The following CTNNA2 variants were observed in gnomAD, a reference collection of about 807,000 sequenced individuals.
The protein encoded by CTNNA2 is catenin alpha-2.
A neutral mutation model predicts 101.0 loss-of-function variants in CTNNA2; 42 were observed. That is an observed-to-expected ratio of 0.42 (90% CI 0.32 to 0.54). The LOEUF (loss-of-function observed/expected upper bound fraction) is 0.54, where lower values mean the gene tolerates loss of function less well. Among genes scored for constraint, CTNNA2 ranks in the 20% least tolerant of loss-of-function variants. The probability of loss-of-function intolerance (pLI) is 0.14; values close to 1 mark genes in which losing one functional copy is unlikely to be tolerated. For missense variants in CTNNA2, 871 were observed against 1,223.1 expected (o/e 0.71, Z 4.29); for synonymous variants, 450 against 456.4 (o/e 0.99, Z 0.18).
intron 7 of CTNNA2, among the ~76,000 whole-genome samples, chr2:80,262,806 A>G (rs778796898): frequency 6.6e-5 from 10 of 152,068 alleles, no homozygotes; most frequent in Non-Finnish European, 1.3e-4. Context: ...CAAATTATCA[A>G]CATGTCCTCA....
chr2:79,318,273 C>T (rs970111712), intron 3 of CTNNA2, among the ~76,000 whole-genome samples: 21 of 152,020 alleles, frequency 1.4e-4, no homozygotes, highest in Non-Finnish European at 2.8e-4. Flanking sequence ...AGTTATTTTT[C>T]TTCATCGTTG....
chr2:80,221,035 A>G (rs1388970159), intron 7 of CTNNA2, among the ~76,000 whole-genome samples: 2 of 152,026 alleles, frequency 1.3e-5, no homozygotes, highest in Non-Finnish European at 2.9e-5. Context: ...GCACCCGCCA[A>G]GCATGCCGGG....
intron 7 of CTNNA2, among the ~76,000 whole-genome samples, chr2:80,331,098 A>G (rs1175291149): frequency 6.7e-6 from 1 of 148,462 alleles, no homozygotes; most frequent in African/African-American, 2.5e-5. Context: ...AGAACAGTCC[A>G]TTTCCACGGG....
intron 6 of CTNNA2, among the ~76,000 whole-genome samples, chr2:79,899,910 T>C (rs562745131): frequency 1.3e-5 from 2 of 152,266 alleles, no homozygotes; most frequent in South Asian, 4.1e-4. Flanking sequence ...CATGTAAAGA[T>C]AGAAAGATTC....
intron 3 of CTNNA2, among the ~76,000 whole-genome samples, chr2:79,815,757 C>T (rs1677440441): frequency 6.7e-6 from 1 of 149,530 alleles, no homozygotes; most frequent in African/African-American, 2.5e-5. Context: ...TTTTTGGTTC[C>T]ATATGAATTT....
chr2:80,457,060 T>C (rs771767754), intron 9 of CTNNA2, among the ~76,000 whole-genome samples: 2 of 152,082 alleles, frequency 1.3e-5, no homozygotes, highest in African/African-American at 2.4e-5. Flanking sequence ...GATTTGATCA[T>C]TATACATTTT....
intron 7 of CTNNA2, among the ~76,000 whole-genome samples, chr2:80,070,275 A>G (rs911612072): frequency 1.3e-5 from 2 of 152,212 alleles, no homozygotes; most frequent in Non-Finnish European, 2.9e-5. Flanking sequence ...GCCCAGGAAG[A>G]AATACTACCT....
At chr2:80,421,882 A>T (rs980046281) in intron 9 of CTNNA2, among the ~76,000 whole-genome samples, 1 of 151,576 alleles carries the variant, frequency 6.6e-6, no homozygotes, top group East Asian at 1.9e-4. Flanking sequence ...GTGTGTGGAT[A>T]TGGGCACCTT....
chr2:79,555,602 A>G (rs1674393552), intron 1 of CTNNA2, among the ~76,000 whole-genome samples: 1 of 152,190 alleles, frequency 6.6e-6, no homozygotes, highest in South Asian at 2.1e-4. Flanking sequence ...TGCAAGAAGC[A>G]GATTTATAGT....
At chr2:79,817,316 C>CTTTTTTTTT (rs550422225) in intron 3 of CTNNA2, among the ~76,000 whole-genome samples, 3 of 73,846 alleles carry the variant, frequency 4.1e-5, no homozygotes, top group Non-Finnish European at 5.3e-5. Context: ...TTCTCTCTCA[C>CTTTTTTTTT]TTTTTTTTTT....
chr2:80,382,342 G>A (rs1456639376), intron 7 of CTNNA2, among the ~76,000 whole-genome samples: 6 of 148,012 alleles, frequency 4.1e-5, no homozygotes, highest in African/African-American at 1.6e-4. Flanking sequence ...TCCTTGGGCA[G>A]CTGTGCCTTT....
At chr2:80,321,064 C>G (rs867931595) in intron 7 of CTNNA2, among the ~76,000 whole-genome samples, 12 of 152,084 alleles carry the variant, frequency 7.9e-5, no homozygotes, top group Middle Eastern at 3.2e-3. Context: ...TTAAAATATG[C>G]TAGATGGCAC....
chr2:79,718,575 A>G (rs1187171658), intron 2 of CTNNA2, among the ~76,000 whole-genome samples: 1 of 152,170 alleles, frequency 6.6e-6, no homozygotes, highest in Middle Eastern at 3.2e-3. Flanking sequence ...AATTTTATCT[A>G]AAAATTAGAC....
intron 9 of CTNNA2, among the ~76,000 whole-genome samples, chr2:80,536,224 A>AC (rs1188579586): frequency 6.6e-6 from 1 of 152,160 alleles, no homozygotes; most frequent in Admixed American, 6.6e-5. Context: ...TCAGATGGAG[A>AC]CCGCAGCACT....
At chr2:79,839,226 T>C (rs1275520234) in intron 3 of CTNNA2, among the ~76,000 whole-genome samples, 5 of 152,060 alleles carry the variant, frequency 3.3e-5, no homozygotes. Flanking sequence ...TTTTATTCAT[T>C]ATGTTGAATA....
Position 80,069,755 on chromosome 2 carries a change from T to G in CTNNA2, c.1056+159958T>G, listed in dbSNP as rs116609148. 7.0e-3 allele frequency among the ~76,000 whole-genome samples: 1,061 copies of G among 152,302 alleles called. 10 individuals carry two copies. Among genetic ancestry groups the G allele is most frequent in the African/African-American group, 0.024 (985 of 41,568 alleles). ...ATAACTAATAAGAAAGAAATACTCA[T>G]GTCAGTGACAGTCCTCCTTTCTGTA... On this transcript the variant is annotated intron_variant, in intron 7 of 18. Transcript: ENST00000402739.
At chr2:80,080,217 A>T (rs1355527948) in intron 7 of CTNNA2, among the ~76,000 whole-genome samples, 1 of 152,204 alleles carries the variant, frequency 6.6e-6, no homozygotes, top group Non-Finnish European at 1.5e-5. Context: ...AGAATCATTA[A>T]AACAATCTTG....
chr2:79,438,339 G>A (rs916852453), intron 4 of CTNNA2, among the ~76,000 whole-genome samples: 2 of 152,162 alleles, frequency 1.3e-5, no homozygotes, highest in South Asian at 2.1e-4. Context: ...CACCTGGAAC[G>A]CACAAAGCCC....
At chr2:79,853,420 A>C (rs1043481658) in intron 3 of CTNNA2, among the ~76,000 whole-genome samples, 9 of 152,026 alleles carry the variant, frequency 5.9e-5, no homozygotes, top group Admixed American at 6.5e-5. Flanking sequence ...TGAGGTTTTC[A>C]TTTTCTTCAC....
Sources: allele counts gnomAD v4.1 joint callset (sites outside exome capture counted in the v4.1 genomes callset), GRCh38; gene constraint gnomAD v4.1.1; transcripts MANE v1.5; gene names NCBI Gene and HGNC (gene_info 2026-07-23, HGNC 2026-07-21).